The following SEC31A variants were observed in gnomAD, a reference collection of about 807,000 sequenced individuals.
The protein encoded by SEC31A is SEC31 homolog A, COPII component.
A neutral mutation model predicts 151.0 loss-of-function variants in SEC31A; 70 were observed. The observed-to-expected ratio is 0.46, with a 90% CI of 0.38 to 0.57. The LOEUF is 0.57. Among genes scored for constraint, SEC31A ranks in the 20% least tolerant of loss-of-function variants. The probability of loss-of-function intolerance (pLI) is 0.00; values close to 1 mark genes in which losing one functional copy is unlikely to be tolerated. For missense variants in SEC31A, 1,330 were observed against 1,471.2 expected (o/e 0.90, Z 1.57); for synonymous variants, 475 against 505.9 (o/e 0.94, Z 0.82).
chr4:82,863,018 G>T (rs1288602056), intron 12 of SEC31A, among the ~76,000 whole-genome samples: 1 of 152,176 alleles, frequency 6.6e-6, no homozygotes, highest in East Asian at 1.9e-4. Context: ...AAAGTGCACA[G>T]TATACCTCTA....
chr4:82,837,199 A>ATATATATATACATAT (rs56888042), intron 22 of SEC31A, among the ~76,000 whole-genome samples: 3 of 83,138 alleles, frequency 3.6e-5, no homozygotes, highest in Non-Finnish European at 2.4e-5. Flanking sequence ...ATATATATAT[A>ATATATATATACATAT]ATTTCACCAC....
intron 21 of SEC31A, chr4:82,844,177 C>G (rs574324708): frequency 1.2e-5 from 6 of 487,792 alleles, no homozygotes; most frequent in Admixed American, 1.1e-4. Context: ...GTCAACTACT[C>G]TGAACAGTGT....
rs150478532 is a variant in SEC31A, at chr4:82,870,293, C to G, written c.882+32G>C. ...AGCCAGAAGTAACATACTATAAGGG[C>G]TACAAGGTTGAGACACATTTCCTGC... is the stretch of plus-strand genomic sequence containing the variant. On this transcript the variant is annotated intron_variant, in intron 8 of 26. Transcript: ENST00000395310. 7.8e-6 allele frequency: 12 copies of G among 1,535,392 alleles called. No homozygotes were observed. The African/African-American group carries it at 1.2e-4, about 16-fold the overall frequency.
chr4:82,884,337 G>A (rs1205828865), intron 1 of SEC31A, among the ~76,000 whole-genome samples: 2 of 151,342 alleles, frequency 1.3e-5, no homozygotes. Flanking sequence ...TTTTGACTTT[G>A]CTTTTTTCAA....
intron 1 of SEC31A, among the ~76,000 whole-genome samples, chr4:82,882,660 T>C (rs1739655553): frequency 6.6e-6 from 1 of 152,192 alleles, no homozygotes; most frequent in Admixed American, 6.5e-5. Flanking sequence ...GTAGGATTAC[T>C]CAATGATAAG....
chr4:82,830,578 C>T (rs1725724467), intron 22 of SEC31A, among the ~76,000 whole-genome samples: 1 of 152,200 alleles, frequency 6.6e-6, no homozygotes, highest in African/African-American at 2.4e-5. Context: ...AAAATATTAA[C>T]TCATATGCTG....
intron 21 of SEC31A, chr4:82,842,697 A>C (rs984603700): frequency 1.4e-5 from 7 of 505,878 alleles, no homozygotes; most frequent in East Asian, 3.3e-5. Context: ...GCCATCCCCA[A>C]ACTGCCTCTG....
At chr4:82,852,134 C>A (rs1731580900) in intron 18 of SEC31A, among the ~76,000 whole-genome samples, 1 of 152,136 alleles carries the variant, frequency 6.6e-6, no homozygotes, top group Admixed American at 6.6e-5. Flanking sequence ...AAGGGCAGTT[C>A]CCCTGCACAT....
At chr4:82,888,076 C>A (rs113334485) in intron 1 of SEC31A, among the ~76,000 whole-genome samples, 58 of 129,358 alleles carry the variant, frequency 4.5e-4, no homozygotes, top group African/African-American at 6.3e-4. Flanking sequence ...CAAACAACAA[C>A]AAAAAAAACA....
At chr4:82,897,022 G>A (rs1368493522) in intron 3 of SEC31A, among the ~76,000 whole-genome samples, 2 of 152,166 alleles carry the variant, frequency 1.3e-5, no homozygotes, top group Non-Finnish European at 2.9e-5. Context: ...CTAATTGGCA[G>A]AACACTAATT....
At chr4:82,895,808 G>A (rs1720039721), upstream of SEC31A, 2 of 152,154 alleles carry the variant, frequency 1.3e-5, no homozygotes, top group South Asian at 4.1e-4. Flanking sequence ...AACTCATTGT[G>A]CAGAAACACA....
At position 82,835,779 on chromosome 4, in the gene SEC31A, A is replaced by C. The variant is rs563542583; in HGVS notation, c.2968+6361T>G. Among the ~76,000 whole-genome samples the C allele has an allele frequency of 2.6e-5, 4 of 152,220 alleles. No homozygotes were observed. In the East Asian group the frequency reaches 7.7e-4, roughly 29 times the overall value. ...CACTGCACTCCAGCCTGAGTGACGG[A>C]GTGGAACAAAAAAAAAGGAAAAAGT... On this transcript the variant is annotated intron_variant, in intron 22 of 26. Transcript: ENST00000395310.
Position 82,824,551 on chromosome 4 carries a change from A to C in SEC31A, c.3411+4T>G, listed in dbSNP as rs1380202397. 6.2e-7 allele frequency: 1 copy of C among 1,611,636 alleles called. No homozygotes were observed. The highest frequency in any genetic ancestry group is 8.5e-7 in the Non-Finnish European group (1 of 1,179,422). Reference sequence around the variant, plus strand: ...AAATATGATTTAAAAAAATAAATACATACAGGGTCTGTTGCTGAAGAAAGG... The same window carrying C: ...AAATATGATTTAAAAAAATAAATACCTACAGGGTCTGTTGCTGAAGAAAGG... On this transcript the variant is annotated splice_donor_region_variant and intron_variant, in intron 25 of 26. Transcript: ENST00000395310.
At chr4:82,828,914 G>T in intron 23 of SEC31A, 86 bp downstream of exon 23, 2 of 998,458 alleles carry the variant, frequency 2.0e-6, no homozygotes, top group Non-Finnish European at 3.2e-6. Flanking sequence ...GCCTTTAAAA[G>T]GATCAGTGAA....
intron 22 of SEC31A, 140 bp from the exon 23 acceptor site, chr4:82,829,198 G>A (rs2149030824): frequency 4.6e-6 from 3 of 652,238 alleles, no homozygotes; most frequent in Middle Eastern, 4.1e-4. Context: ...CGAGTGTGGG[G>A]ATCACTATGT....
At chr4:82,833,390 C>T (rs1726444953) in intron 22 of SEC31A, among the ~76,000 whole-genome samples, 1 of 152,062 alleles carries the variant, frequency 6.6e-6, no homozygotes, top group Non-Finnish European at 1.5e-5. Context: ...GAACATCACA[C>T]ACTGGGGCCT....
At position 82,860,310 on chromosome 4, in the gene SEC31A, C is replaced by T. The variant is rs1040553881; in HGVS notation, c.1626+1321G>A. Among the ~76,000 whole-genome samples, 3 of 152,096 alleles carry T rather than the reference C, an allele frequency of 2.0e-5. No individual in the cohort carries two copies. The South Asian group carries it at 6.2e-4, about 31-fold the overall frequency. Reference sequence around the variant, plus strand: ...ACATTTTTTCAAAGAACCAAAAGTACACATTGATGACTACTATTTCATTAA... The same window carrying T: ...ACATTTTTTCAAAGAACCAAAAGTATACATTGATGACTACTATTTCATTAA... On this transcript the variant is annotated intron_variant, in intron 14 of 26. Transcript: ENST00000395310.
In SEC31A at chr4:82,819,054, G is replaced by C; in HGVS notation, c.*20C>G. 6.4e-7 allele frequency: 1 copy of C among 1,569,130 alleles called. No homozygotes were observed. Among genetic ancestry groups the C allele is most frequent in the South Asian group, 1.2e-5 (1 of 82,256 alleles). ...TTCTTTGGAAAAATGGCAATATTGA[G>C]TGGAAGAGAAGCTGTCCTTTTAGAC... is the stretch of plus-strand genomic sequence containing the variant. On this transcript the variant is annotated 3_prime_UTR_variant, in exon 27 of 27. Coordinates refer to ENST00000395310, the MANE Select transcript of SEC31A (RefSeq NM_001077207.4).
rs537953100 is a variant in SEC31A at position 82,860,058 on chromosome 4, C to T, written c.1626+1573G>A. On this transcript the variant is annotated intron_variant, in intron 14 of 26. Coordinates refer to ENST00000395310, the MANE Select transcript of SEC31A (RefSeq NM_001077207.4). ...CTGCCCGCCTCGGCCTCCCAAAGTG[C>T]TGGGATTACAGGCATGAGCCACTGC... 3.3e-5 allele frequency among the ~76,000 whole-genome samples: 5 copies of T among 152,270 alleles called. No individual in the cohort carries two copies. In the East Asian group the frequency reaches 9.6e-4, roughly 29 times the overall value.
Sources: allele counts gnomAD v4.1 joint callset (sites outside exome capture counted in the v4.1 genomes callset), GRCh38; gene constraint gnomAD v4.1.1; transcripts MANE v1.5; gene names NCBI Gene and HGNC (gene_info 2026-07-23, HGNC 2026-07-21).